The following DSCAM variants were observed in gnomAD, a reference collection of about 807,000 sequenced individuals.
DSCAM encodes cell adhesion molecule DSCAM.
Under a neutral mutation model 217.7 loss-of-function variants are expected in DSCAM, and 47 were observed. The observed-to-expected ratio is 0.22, with a 90% confidence interval of 0.17 to 0.28. DSCAM has a LOEUF of 0.28. Ranked by LOEUF, DSCAM falls within the 10% of genes least tolerant of loss-of-function variation. DSCAM has a pLI of 1.00. For missense variants in DSCAM, 2,080 were observed against 2,618.3 expected (o/e 0.79, Z 4.49); for synonymous variants, 1,056 against 1,015.3 (o/e 1.04, Z -0.76).
intron 27 of DSCAM, among the ~76,000 whole-genome samples, chr21:40,064,510 C>T (rs2089177214): frequency 6.6e-6 from 1 of 152,118 alleles, no homozygotes; most frequent in South Asian, 2.1e-4. Context: ...ACTGCCATGC[C>T]GACAGCAGAC....
intron 1 of DSCAM, among the ~76,000 whole-genome samples, chr21:40,844,644 T>C (rs113546574): frequency 2.6e-5 from 4 of 151,498 alleles, no homozygotes; most frequent in African/African-American, 9.8e-5. Context: ...ATTTGAGGTT[T>C]CATATAATTG....
chr21:40,494,321 AT>A (rs1340533930), intron 3 of DSCAM, among the ~76,000 whole-genome samples: 1 of 152,202 alleles, frequency 6.6e-6, no homozygotes, highest in Non-Finnish European at 1.5e-5. Context: ...GTCACTTCAG[AT>A]TTAAGGACAT....
At chr21:40,421,425 T>C (rs1260858757) in intron 3 of DSCAM, among the ~76,000 whole-genome samples, 1 of 152,244 alleles carries the variant, frequency 6.6e-6, no homozygotes, top group Non-Finnish European at 1.5e-5. Flanking sequence ...ATGAGTTCAT[T>C]CTGCAAACTT....
At position 40,011,304 on chromosome 21, in the gene DSCAM, C is replaced by G. The variant is rs2088052936; in HGVS notation, c.*1730G>C. 6.6e-6 allele frequency: 1 copy of G among 152,072 alleles called. No individual in the cohort carries two copies. The highest frequency in any genetic ancestry group is 2.1e-4 in the South Asian group (1 of 4,824). The allele number at this position is 152,072 out of a possible 1,614,324, so 9.4% of individuals were successfully genotyped here. ...CCCATTCTGTGTCACTGAATCTAAGCAGACAAATGGGCCTGCCTGGAAAAT... is the reference window on the plus strand; with the variant it reads ...CCCATTCTGTGTCACTGAATCTAAGGAGACAAATGGGCCTGCCTGGAAAAT... On this transcript the variant is annotated 3_prime_UTR_variant, in exon 33 of 33. Transcript: ENST00000400454.
At chr21:40,709,163 C>T (rs561413729) in intron 1 of DSCAM, among the ~76,000 whole-genome samples, 4 of 152,252 alleles carry the variant, frequency 2.6e-5, no homozygotes, top group African/African-American at 7.2e-5. Context: ...TTTACTCCCA[C>T]TATTACCTGG....
In DSCAM at chr21:40,328,464, G is replaced by T. The variant is rs1293776396; in HGVS notation, c.1783+9637C>A. Among the ~76,000 whole-genome samples the T allele has an allele frequency of 2.6e-5, 4 of 152,068 alleles. No individual in the cohort carries two copies. The East Asian group carries it at 7.7e-4, about 29-fold the overall frequency. On this transcript the variant is annotated intron_variant, in intron 8 of 32. Coordinates refer to ENST00000400454, the MANE Select transcript of DSCAM (RefSeq NM_001389.5). The stretch of plus-strand genomic sequence containing the variant: ...AACTTTAATTTATGATGTCTCTAAT[G>T]CCATATACACAATTAAACTCAAACT...
At chr21:40,615,206 CAGG>C (rs1271494283) in intron 3 of DSCAM, among the ~76,000 whole-genome samples, 17 of 145,420 alleles carry the variant, frequency 1.2e-4, no homozygotes, top group African/African-American at 4.3e-4. Context: ...TGCCTTGAAC[CAGG>C]AGGTGGAGGT....
intron 20 of DSCAM, among the ~76,000 whole-genome samples, chr21:40,095,212 C>T (rs758576501): frequency 4.8e-4 from 73 of 152,128 alleles, no homozygotes; most frequent in Non-Finnish European, 6.2e-4. Flanking sequence ...TTATTCACTA[C>T]GAGGAGAACA....
At chr21:40,323,980 T>G (rs1048121816) in intron 8 of DSCAM, among the ~76,000 whole-genome samples, 1 of 151,502 alleles carries the variant, frequency 6.6e-6, no homozygotes, top group Non-Finnish European at 1.5e-5. Context: ...GGCTCACCCC[T>G]GTAATCCCAG....
chr21:40,296,669 T>C (rs1334961729), intron 9 of DSCAM, among the ~76,000 whole-genome samples: 1 of 151,740 alleles, frequency 6.6e-6, no homozygotes, highest in Non-Finnish European at 1.5e-5. Context: ...CCATCTCTAC[T>C]AAAAATACAA....
rs182255158 is a variant in DSCAM at position 40,344,133 on chromosome 21, G to A, written c.1210+3537C>T. ...AGGCTGGTCTCAAACTCCTGACCTCGAGTGAGCCGCCTGTCTCGGCTTCCT... is the reference window on the plus strand; with the variant it reads ...AGGCTGGTCTCAAACTCCTGACCTCAAGTGAGCCGCCTGTCTCGGCTTCCT... On this transcript the variant is annotated intron_variant, in intron 6 of 32. Transcript: ENST00000400454. Among the ~76,000 whole-genome samples the A allele has an allele frequency of 4.1e-3, 627 of 152,150 alleles. 6 individuals carry two copies. The highest frequency in any genetic ancestry group is 0.013 in the African/African-American group (536 of 41,544).
chr21:40,461,481 C>T (rs2075805461), intron 3 of DSCAM, among the ~76,000 whole-genome samples: 1 of 152,142 alleles, frequency 6.6e-6, no homozygotes, highest in Non-Finnish European at 1.5e-5. Context: ...AAATGACCTG[C>T]TCCAGGTAAC....
chr21:40,304,702 G>A (rs895962523), intron 9 of DSCAM, among the ~76,000 whole-genome samples: 1 of 152,128 alleles, frequency 6.6e-6, no homozygotes, highest in Admixed American at 6.5e-5. Context: ...TTTCAATATT[G>A]TTATGTCTTA....
chr21:40,387,366 C>CAA lies in DSCAM; in HGVS notation c.509-18123_509-18122dup, dbSNP rs949482203. On this transcript the variant is annotated intron_variant, in intron 3 of 32. Coordinates refer to ENST00000400454, the MANE Select transcript of DSCAM (RefSeq NM_001389.5). Reference sequence around the variant, plus strand: ...CAACTTCACTAAAAGATTGGACCTCCAAAAAAAAAAAAACAGCCTTTGCAA... The same window carrying CAA: ...CAACTTCACTAAAAGATTGGACCTCCAAAAAAAAAAAAAAACAGCCTTTGCAA... Among the ~76,000 whole-genome samples, 248 of 135,676 alleles carry CAA rather than the reference C, an allele frequency of 1.8e-3. 1 individual carries two copies. Among genetic ancestry groups the CAA allele is most frequent in the African/African-American group, 6.4e-3 (238 of 37,346 alleles). The allele number at this position is 135,676 out of a possible 152,430, so 89.0% of individuals were successfully genotyped here.
intron 3 of DSCAM, among the ~76,000 whole-genome samples, chr21:40,662,333 C>T (rs1483674583): frequency 6.6e-6 from 1 of 151,958 alleles, no homozygotes; most frequent in African/African-American, 2.4e-5. Flanking sequence ...ACAGACATGC[C>T]AGCCTTAATA....
intron 5 of DSCAM, among the ~76,000 whole-genome samples, chr21:40,348,333 T>G (rs112437586): frequency 0.038 from 4,537 of 119,178 alleles, no homozygotes; most frequent in South Asian, 0.048. Context: ...ACCCCATACA[T>G]TTTGTATCAG....
At chr21:40,456,404 C>A (rs938244896) in intron 3 of DSCAM, among the ~76,000 whole-genome samples, 5 of 151,846 alleles carry the variant, frequency 3.3e-5, no homozygotes, top group East Asian at 3.9e-4. Context: ...CTATGAAATT[C>A]TCAAGAAAAC....
rs1234478227 is a variant in DSCAM, at chr21:40,506,341, C to T, written c.509-137096G>A. Among the ~76,000 whole-genome samples, 3 of 152,300 alleles carry T rather than the reference C, an allele frequency of 2.0e-5. No homozygotes were observed. The East Asian group carries it at 5.8e-4, about 29-fold the overall frequency. On this transcript the variant is annotated intron_variant, in intron 3 of 32. Transcript: ENST00000400454. ...GTTAGATGCCATTTCTCAGAATGTG[C>T]TACTGCCTGGGACGTCCATGATGAA...
intron 3 of DSCAM, among the ~76,000 whole-genome samples, chr21:40,419,704 G>A (rs2075404916): frequency 6.6e-6 from 1 of 152,078 alleles, no homozygotes; most frequent in African/African-American, 2.4e-5. Context: ...CTTAATCTCA[G>A]CTAAACATAA....
Sources: allele counts gnomAD v4.1 joint callset (sites outside exome capture counted in the v4.1 genomes callset), GRCh38; gene constraint gnomAD v4.1.1; transcripts MANE v1.5; gene names NCBI Gene and HGNC (gene_info 2026-07-23, HGNC 2026-07-21).